The following ZNF100 variants were observed in gnomAD, a reference collection of about 807,000 sequenced individuals.
ZNF100 encodes zinc finger protein 100 (Y1).
Under a neutral mutation model 15.8 loss-of-function variants are expected in ZNF100, and 12 were observed. That is an observed-to-expected ratio of 0.76 (90% CI 0.49 to 1.23). The LOEUF (loss-of-function observed/expected upper bound fraction) is 1.23, where lower values mean the gene tolerates loss of function less well. ZNF100 is among the 50% of genes most tolerant of loss of function. ZNF100 has a pLI of 0.00. For synonymous variants in ZNF100, 226 were observed against 214.8 expected (o/e 1.05, Z -0.45); for missense variants, 670 against 635.6 (o/e 1.05, Z -0.58).
At chr19:21,766,142 A>G (rs995756561) in intron 1 of ZNF100, among the ~76,000 whole-genome samples, 3 of 152,242 alleles carry the variant, frequency 2.0e-5, no homozygotes, top group African/African-American at 7.2e-5. Flanking sequence ...ATTAATTAAA[A>G]TATGGTATAA....
chr19:21,732,413 A>T (rs901235587), intron 4 of ZNF100, among the ~76,000 whole-genome samples: 1 of 152,130 alleles, frequency 6.6e-6, no homozygotes, highest in Non-Finnish European at 1.5e-5. Context: ...TCATAAAATA[A>T]ACAGAGATGA....
intron 4 of ZNF100, among the ~76,000 whole-genome samples, chr19:21,735,336 T>A (rs2035989176): frequency 6.6e-6 from 1 of 151,858 alleles, no homozygotes; most frequent in Admixed American, 6.6e-5. Flanking sequence ...CTACTAAAAA[T>A]ACAAAAAATT....
At chr19:21,730,444 A>AAG (rs946761918) in intron 4 of ZNF100, among the ~76,000 whole-genome samples, 70 of 74,994 alleles carry the variant, frequency 9.3e-4, no homozygotes, top group African/African-American at 2.3e-3. Context: ...CTGATAACCT[A>AAG]AGTGTGTGTG....
At chr19:21,750,770 G>C (rs971956992) in intron 2 of ZNF100, 3 of 368,202 alleles carry the variant, frequency 8.1e-6, no homozygotes, top group Non-Finnish European at 4.9e-6. Flanking sequence ...ATTGTTGGGG[G>C]AGGGGCGGCT....
Position 21,744,044 on chromosome 19 carries a change from T to A in ZNF100, c.295A>T (p.Arg99Ter). Residue 99 changes from arginine to a stop codon, truncating the protein, a stop_gained, in exon 4 of 5, where the codon AGA becomes TGA. Transcript: ENST00000358296. LOFTEE classifies it low-confidence loss of function (END_TRUNC). ...GGGGGTTTGGCTACCATCTCATGTC[T>A]CTTTATATTCCAGGGCTCTTTTCCT... ...EQGKEPWNIK[R>*]HEMVAKPPVI... The A allele has an allele frequency of 1.2e-6, 2 of 1,612,972 alleles. No homozygotes were observed. Among genetic ancestry groups the A allele is most frequent in the Non-Finnish European group, 8.5e-7 (1 of 1,179,622 alleles).
chr19:21,746,665 T>C (rs2036216548), intron 2 of ZNF100, among the ~76,000 whole-genome samples: 1 of 151,874 alleles, frequency 6.6e-6, no homozygotes. Context: ...GAAAGAAATA[T>C]TTTGCATAGA....
intron 2 of ZNF100, among the ~76,000 whole-genome samples, chr19:21,748,855 C>T (rs190842127): frequency 1.4e-4 from 21 of 152,318 alleles, no homozygotes; most frequent in Admixed American, 1.3e-3. Flanking sequence ...CAGGCATGCA[C>T]CACCTCGCCT....
At chr19:21,741,350 T>G (rs12973788) in intron 4 of ZNF100, among the ~76,000 whole-genome samples, 12,296 of 151,472 alleles carry the variant, frequency 0.081, 631 homozygotes, top group South Asian at 0.18. Flanking sequence ...GTGAATATAC[T>G]TAACATGGCT....
chr19:21,727,243 A>G lies in ZNF100; in HGVS notation c.1069T>C (p.Ser357Pro), dbSNP rs773858506. The G allele has an allele frequency of 5.0e-6, 8 of 1,613,614 alleles. No individual in the cohort carries two copies. The highest frequency in any genetic ancestry group is 1.3e-5 in the African/African-American group (1 of 74,978). The change falls in exon 5 of 5, where the codon TCC (serine) becomes CCC (proline). Residue 357 changes from serine to proline, a missense_variant. Coordinates refer to ENST00000358296, the MANE Select transcript of ZNF100 (RefSeq NM_173531.4). ...ATCTTATGTGTAGTAAGGGTTGAGG[A>G]CTGGTTAAAGGCTTTGCCACATTCT... is the stretch of plus-strand genomic sequence containing the variant. ...CEECGKAFNQ[S>P]STLTTHKITH...
chr19:21,727,806 A>C lies in ZNF100; in HGVS notation c.506T>G (p.Leu169Trp). The C allele has an allele frequency of 1.2e-6, 2 of 1,613,466 alleles. No individual in the cohort carries two copies. Among genetic ancestry groups the C allele is most frequent in the Non-Finnish European group, 1.7e-6 (2 of 1,179,802 alleles). The change falls in exon 5 of 5, where the codon TTG (leucine) becomes TGG (tryptophan). Residue 169 changes from leucine to tryptophan, a missense_variant. Physicochemically the swap from Leu to Trp is moderately conservative, Grantham distance 61. Coordinates refer to ENST00000358296, the MANE Select transcript of ZNF100 (RefSeq NM_173531.4). ...AAATATGTTGCTCTGGGTAGTTATC[A>C]AACACTGGTTTAATTTGTTATCATG... The part of the protein sequence containing the change: ...KEHDNKLNQC[L>W]ITTQSNIFQC...
At chr19:21,765,935 A>T in intron 1 of ZNF100, 149 bp from the exon 2 acceptor site, 1 of 680,872 alleles carries the variant, frequency 1.5e-6, no homozygotes, top group East Asian at 2.7e-5. Context: ...CACCCCATAG[A>T]TTTTTCCAAA....
intron 2 of ZNF100, among the ~76,000 whole-genome samples, 199 bp from the exon 3 acceptor site, chr19:21,745,266 T>C (rs1470353352): frequency 6.6e-6 from 1 of 152,322 alleles, no homozygotes; most frequent in South Asian, 2.1e-4. Context: ...TGGCATAAGA[T>C]CCACAACACC....
chr19:21,747,184 G>C (rs1050259188), intron 2 of ZNF100, among the ~76,000 whole-genome samples: 1 of 152,102 alleles, frequency 6.6e-6, no homozygotes, highest in African/African-American at 2.4e-5. Flanking sequence ...AAACAGAACA[G>C]GTATCGTAAC....
In ZNF100 at chr19:21,727,769, T is replaced by C. The variant is rs776747836; in HGVS notation, c.543A>G (p.Pro181=). The change falls in exon 5 of 5, where the codon CCA becomes CCG. Residue 181 remains proline, a synonymous_variant. Coordinates refer to ENST00000358296, the MANE Select transcript of ZNF100 (RefSeq NM_173531.4). The part of the protein sequence containing the change: ...TTQSNIFQCD[P]SAKVFHTFSN... ...AAAATGTATGAAAGACTTTTGCAGA[T>C]GGATCACATTGAAATATGTTGCTCT... 41 of 1,613,820 alleles carry C rather than the reference T, an allele frequency of 2.5e-5. No individual in the cohort carries two copies. Among genetic ancestry groups the C allele is most frequent in the Admixed American group, 1.0e-4 (6 of 59,998 alleles).
In ZNF100 at chr19:21,723,028, G is replaced by A. The variant is rs2035708893; in HGVS notation, c.*3655C>T. 1 of 151,650 alleles carries A rather than the reference G, an allele frequency of 6.6e-6. No individual in the cohort carries two copies. Among genetic ancestry groups the A allele is most frequent in the South Asian group, 2.1e-4 (1 of 4,818 alleles). 9.4% of individuals were successfully genotyped at this position (151,650 alleles called of 1,614,324 possible). ...GTTATATTGATAACCAAACTCTCCA[G>A]TTAAAAACAATTATTCAGTGCATTA... On this transcript the variant is annotated 3_prime_UTR_variant, in exon 5 of 5. Transcript: ENST00000358296.
At position 21,723,393 on chromosome 19, in the gene ZNF100, T is replaced by A. The variant is rs1000512811; in HGVS notation, c.*3290A>T. On this transcript the variant is annotated 3_prime_UTR_variant, in exon 5 of 5. Coordinates refer to ENST00000358296, the MANE Select transcript of ZNF100 (RefSeq NM_173531.4). ...AAAAAAAAAAAAAAAACAACCAACT[T>A]TCTCGTCAAAATTTACAAAGTACCA... 1.3e-5 allele frequency: 2 copies of A among 150,566 alleles called. No individual in the cohort carries two copies. Among genetic ancestry groups the A allele is most frequent in the Non-Finnish European group, 2.9e-5 (2 of 67,814 alleles). The allele number at this position is 150,566 out of a possible 1,614,324, so 9.3% of individuals were successfully genotyped here. A position where few individuals can be genotyped will look rare whatever the true frequency, so the allele number is the denominator to read the frequency against.
At chr19:21,755,491 C>G (rs943587508) in intron 2 of ZNF100, among the ~76,000 whole-genome samples, 2 of 151,968 alleles carry the variant, frequency 1.3e-5, no homozygotes, top group African/African-American at 4.8e-5. Flanking sequence ...GGTGGGAAGG[C>G]AAATTAGTCT....
At chr19:21,761,118 G>A (rs1017847193) in intron 2 of ZNF100, among the ~76,000 whole-genome samples, 1 of 152,012 alleles carries the variant, frequency 6.6e-6, no homozygotes. Flanking sequence ...AAACAGAACA[G>A]GAATTAACTG....
At chr19:21,728,963 A>G (rs143955976) in intron 4 of ZNF100, among the ~76,000 whole-genome samples, 2,874 of 152,136 alleles carry the variant, frequency 0.019, 92 homozygotes, top group African/African-American at 0.063. Flanking sequence ...AAATATAAAA[A>G]AGAATAGCTG....
Sources: gnomAD v4.1 joint callset for allele counts (sites outside exome capture counted in the v4.1 genomes callset) on GRCh38, gnomAD v4.1.1 for gene constraint, MANE v1.5 for transcripts, NCBI Gene and HGNC (gene_info 2026-07-23, HGNC 2026-07-21) for gene names.